The following CDH13 variants were observed in gnomAD, a reference collection of about 807,000 sequenced individuals.
CDH13 encodes cadherin 13.
CDH13 carries 24 observed loss-of-function variants against 63.8 expected under a neutral mutation model. That is an observed-to-expected ratio of 0.38 (90% CI 0.27 to 0.53). The LOEUF (loss-of-function observed/expected upper bound fraction) is 0.53. Among genes scored for constraint, CDH13 ranks in the 20% least tolerant of loss-of-function variants. The probability of loss-of-function intolerance (pLI) is 0.85; values close to 1 mark genes in which losing one functional copy is unlikely to be tolerated. For missense variants in CDH13, 1,049 were observed against 903.1 expected (o/e 1.16, Z -2.07); for synonymous variants, 503 against 355.3 (o/e 1.42, Z -4.67).
intron 2 of CDH13, among the ~76,000 whole-genome samples, chr16:82,905,401 A>G (rs553814002): frequency 6.6e-6 from 1 of 152,060 alleles, no homozygotes; most frequent in Admixed American, 6.6e-5. Flanking sequence ...AAAAAGAAAA[A>G]CAGGACTTGG....
chr16:82,735,911 T>C (rs2033647656), intron 1 of CDH13, among the ~76,000 whole-genome samples: 1 of 152,166 alleles, frequency 6.6e-6, no homozygotes, highest in Non-Finnish European at 1.5e-5. Context: ...TTACATGAGA[T>C]TGACAGCACG....
intron 4 of CDH13, among the ~76,000 whole-genome samples, chr16:83,210,190 G>C (rs1164621727): frequency 6.6e-6 from 1 of 152,020 alleles, no homozygotes; most frequent in Middle Eastern, 3.4e-3. Flanking sequence ...TCAGCCTCCC[G>C]AGTAACTGGG....
In CDH13 at chr16:83,764,821, C is replaced by G. The variant is rs137986688; in HGVS notation, c.1682-15147C>G. On this transcript the variant is annotated intron_variant, in intron 11 of 13. Coordinates refer to ENST00000567109, the MANE Select transcript of CDH13 (RefSeq NM_001257.5). ...CATCCTGCCTGCCTTCCCTGAAGCC[C>G]TCGCAATGGCCTCCATGACAGTCCT... 8.4e-3 allele frequency among the ~76,000 whole-genome samples: 1,286 copies of G among 152,306 alleles called. 10 individuals are homozygous for G. Among genetic ancestry groups the G allele is most frequent in the Non-Finnish European group, 0.014 (977 of 68,028 alleles).
chr16:82,698,199 C>T (rs1015972), intron 1 of CDH13, among the ~76,000 whole-genome samples: 63,112 of 152,018 alleles, frequency 0.42, 13,424 homozygotes, highest in Non-Finnish European at 0.47. Context: ...AATTCTAAGG[C>T]AGTGCTATCT....
At chr16:83,691,983 A>G (rs1904943573) in intron 10 of CDH13, among the ~76,000 whole-genome samples, 2 of 152,102 alleles carry the variant, frequency 1.3e-5, no homozygotes, top group South Asian at 2.1e-4. Context: ...GGGGAAGACA[A>G]TAAGGATTAG....
intron 5 of CDH13, among the ~76,000 whole-genome samples, chr16:83,235,373 C>T (rs1441891600): frequency 1.3e-5 from 2 of 152,102 alleles, no homozygotes; most frequent in Non-Finnish European, 2.9e-5. Context: ...CACCATAGAG[C>T]GTTGCTATGA....
chr16:82,813,403 A>G (rs551966799), intron 1 of CDH13, among the ~76,000 whole-genome samples: 1 of 152,270 alleles, frequency 6.6e-6, no homozygotes, highest in East Asian at 1.9e-4. Context: ...TGAGTGTTGC[A>G]TGACTCTCAA....
intron 1 of CDH13, among the ~76,000 whole-genome samples, chr16:82,765,159 G>C (rs529978907): frequency 3.9e-5 from 6 of 152,262 alleles, no homozygotes; most frequent in Admixed American, 2.0e-4. Flanking sequence ...GGATGTGTCA[G>C]AACAAACTGA....
At chr16:82,694,978 A>G (rs2030082866) in intron 1 of CDH13, among the ~76,000 whole-genome samples, 1 of 152,128 alleles carries the variant, frequency 6.6e-6, no homozygotes, top group Admixed American at 6.6e-5. Flanking sequence ...TTGAAGGAAA[A>G]CACATAATGG....
intron 4 of CDH13, among the ~76,000 whole-genome samples, chr16:83,166,374 A>G (rs1166949496): frequency 6.6e-6 from 1 of 152,148 alleles, no homozygotes; most frequent in Non-Finnish European, 1.5e-5. Flanking sequence ...CGGCCCAGAC[A>G]GGAAGAGTAA....
chr16:83,783,548 C>T, intron 13 of CDH13, 76 bp downstream of exon 13: 1 of 1,057,380 alleles, frequency 9.5e-7, no homozygotes. Context: ...CAGCATTTTC[C>T]CATATACCTT....
intron 2 of CDH13, among the ~76,000 whole-genome samples, chr16:83,018,437 C>T (rs1431356480): frequency 1.3e-5 from 2 of 152,122 alleles, no homozygotes; most frequent in African/African-American, 4.8e-5. Flanking sequence ...TTTAGAATAA[C>T]AGAATTTCCC....
At chr16:83,175,362 C>G (rs9927659) in intron 4 of CDH13, among the ~76,000 whole-genome samples, 2,513 of 152,098 alleles carry the variant, frequency 0.017, 85 homozygotes, top group African/African-American at 0.057. Flanking sequence ...AGTTCTCAAC[C>G]CCCACGATAG....
chr16:83,045,634 T>TAAAAAAAAAAAAAAAAAAAAAAAA (rs71382861), intron 3 of CDH13, among the ~76,000 whole-genome samples: 4 of 107,954 alleles, frequency 3.7e-5, no homozygotes, highest in African/African-American at 1.5e-4. Context: ...AAGATTCCTT[T>TAAAAAAAAAAAAAAAAAAAAAAAA]AAAAAAAAAA....
At chr16:82,777,639 T>G (rs1252550776) in intron 1 of CDH13, among the ~76,000 whole-genome samples, 2 of 152,212 alleles carry the variant, frequency 1.3e-5, no homozygotes, top group Non-Finnish European at 2.9e-5. Flanking sequence ...ATTCCACAAT[T>G]TCTGTGCAGC....
At chr16:82,844,100 C>T (rs1361129534) in intron 1 of CDH13, among the ~76,000 whole-genome samples, 4 of 152,112 alleles carry the variant, frequency 2.6e-5, no homozygotes, top group African/African-American at 4.8e-5. Flanking sequence ...TCAAGGTTAC[C>T]TGTATGACCC....
At chr16:83,082,952 G>A (rs1478118524) in intron 3 of CDH13, among the ~76,000 whole-genome samples, 6 of 150,368 alleles carry the variant, frequency 4.0e-5, no homozygotes, top group African/African-American at 1.5e-4. Flanking sequence ...TGTTTTAAAC[G>A]GTGTCTTCCC....
rs71146097 is a variant in CDH13 at position 82,929,651 on chromosome 16, C to CAAAAAAAAAAAAAAAAAA, written c.157+71193_157+71210dup. Among the ~76,000 whole-genome samples, 33 of 44,274 alleles carry CAAAAAAAAAAAAAAAAAA rather than the reference C, an allele frequency of 7.5e-4. 1 individual carries two copies. Among genetic ancestry groups the CAAAAAAAAAAAAAAAAAA allele is most frequent in the South Asian group, 1.3e-3 (1 of 794 alleles). 29.0% of individuals were successfully genotyped at this position (44,274 alleles called of 152,430 possible). On this transcript the variant is annotated intron_variant, in intron 2 of 13. Coordinates refer to ENST00000567109, the MANE Select transcript of CDH13 (RefSeq NM_001257.5). ...TGGGGGACAGAGTGAGACTCCATCT[C>CAAAAAAAAAAAAAAAAAA]AAAAAAAAAAAAAAAAAAAAAAAAA... is the stretch of plus-strand genomic sequence containing the variant.
chr16:82,640,780 C>T (rs1909301990), intron 1 of CDH13, among the ~76,000 whole-genome samples: 1 of 152,158 alleles, frequency 6.6e-6, no homozygotes, highest in Non-Finnish European at 1.5e-5. Context: ...TAACTTTTAT[C>T]AAGGTAAAGA....
Sources: allele counts gnomAD v4.1 joint callset (sites outside exome capture counted in the v4.1 genomes callset), GRCh38; gene constraint gnomAD v4.1.1; transcripts MANE v1.5; gene names NCBI Gene and HGNC (gene_info 2026-07-23, HGNC 2026-07-21).